The following COL5A1 variants were observed in gnomAD, a reference collection of about 807,000 sequenced individuals.
COL5A1 encodes collagen alpha-1(V) chain.
A neutral mutation model predicts 263.7 loss-of-function variants in COL5A1; 16 were observed. That is an observed-to-expected ratio of 0.06 (90% CI 0.04 to 0.09). The LOEUF (loss-of-function observed/expected upper bound fraction) is 0.09, where lower values mean the gene tolerates loss of function less well. Ranked by LOEUF, COL5A1 falls within the 10% of genes least tolerant of loss-of-function variation. COL5A1 has a pLI of 1.00. For synonymous variants in COL5A1, 1,012 were observed against 1,004.5 expected (o/e 1.01, Z -0.14); for missense variants, 2,036 against 2,540.5 (o/e 0.80, Z 4.27).
chr9:134,676,372 A>T lies in COL5A1; in HGVS notation c.110-14540A>T, dbSNP rs74945697. 6.7e-3 allele frequency among the ~76,000 whole-genome samples: 1,021 copies of T among 152,290 alleles called. 11 individuals carry two copies. Among genetic ancestry groups the T allele is most frequent in the African/African-American group, 0.019 (802 of 41,552 alleles). ...CTCTCCATCTCAGGCCGTCTGCATG[A>T]ACCCCTTCCTGTCTGGCCTCTGCAG... On this transcript the variant is annotated intron_variant, in intron 1 of 65. Transcript: ENST00000371817.
chr9:134,701,841 G>A (rs549713918), intron 4 of COL5A1, among the ~76,000 whole-genome samples: 16 of 152,356 alleles, frequency 1.1e-4, no homozygotes, highest in South Asian at 8.3e-4. Flanking sequence ...TTGCTTTCCC[G>A]GGGAATGCCT....
At chr9:134,787,545 C>G (rs2132779580) in intron 31 of COL5A1, among the ~76,000 whole-genome samples, 1 of 152,344 alleles carries the variant, frequency 6.6e-6, no homozygotes, top group African/African-American at 2.4e-5. Flanking sequence ...AGCGACCTCA[C>G]TGCGGTGCTG....
At chr9:134,760,762 TAC>T (rs1378370524) in intron 18 of COL5A1, among the ~76,000 whole-genome samples, 1 of 92,508 alleles carries the variant, frequency 1.1e-5, no homozygotes, top group Non-Finnish European at 2.0e-5. Context: ...ACCCCACACA[TAC>T]ACGAACACCA....
chr9:134,690,995 C>G lies in COL5A1; in HGVS notation c.193C>G (p.Arg65Gly). ...ITKTTGFCAT[R>G]RSSKGPDVAY... ...AAAGACAACAGGCTTTTGCGCCACG[C>G]GGCGATCTTCCAAAGGCCCGGATGT... is the stretch of plus-strand genomic sequence containing the variant. Residue 65 changes from arginine (R) to glycine (G), a missense_variant, in exon 2 of 66, where the codon CGG (arginine) becomes GGG (glycine). By Grantham distance (125) the Arg-to-Gly change is moderately radical. This residue lies in a region of COL5A1 where 600 missense variants were observed against 634.5 expected (regional missense o/e 0.95). Transcript: ENST00000371817. 1.2e-6 allele frequency: 2 copies of G among 1,613,832 alleles called. No homozygotes were observed. The highest frequency in any genetic ancestry group is 1.7e-6 in the Non-Finnish European group (2 of 1,180,044).
At chr9:134,752,170 A>G (rs1354425374) in intron 13 of COL5A1, among the ~76,000 whole-genome samples, 1 of 152,332 alleles carries the variant, frequency 6.6e-6, no homozygotes, top group South Asian at 2.1e-4. Flanking sequence ...AGCGCCTCCC[A>G]TGTGAAATAA....
At chr9:134,838,930 G>A (rs1435462754) in intron 65 of COL5A1, among the ~76,000 whole-genome samples, 7 of 152,288 alleles carry the variant, frequency 4.6e-5, no homozygotes, top group Admixed American at 2.0e-4. Flanking sequence ...ACGCTGGCCC[G>A]GACTCTCAGG....
Position 134,819,296 on chromosome 9 carries a change from G to A in COL5A1, c.4446+243G>A, listed in dbSNP as rs528849077. 1.2e-4 allele frequency among the ~76,000 whole-genome samples: 19 copies of A among 152,340 alleles called. No homozygotes were observed. The South Asian group carries it at 3.1e-3, about 25-fold the overall frequency. On this transcript the variant is annotated intron_variant, in intron 57 of 65. Coordinates refer to ENST00000371817, the MANE Select transcript of COL5A1 (RefSeq NM_000093.5). ...TCCCGGAGGCCCCTGCGGTATTGAC[G>A]GAGAACCTTCCAGCTAGGCACAGAG... is the stretch of plus-strand genomic sequence containing the variant.
In COL5A1 at chr9:134,700,182, A is replaced by G; in HGVS notation, c.491+60A>G. ...TGGAGGGGGGATCAGGCCAGCTCAT[A>G]CCACTGACCAGATGTGGGGCACAGT... On this transcript the variant is annotated intron_variant, in intron 3 of 65. Coordinates refer to ENST00000371817, the MANE Select transcript of COL5A1 (RefSeq NM_000093.5). This position sits in a 1 kb window ranked among gnomAD's most constrained non-coding sequence, Gnocchi z 4.0. 2 of 1,502,768 alleles carry G rather than the reference A, an allele frequency of 1.3e-6. No individual in the cohort carries two copies. The highest frequency in any genetic ancestry group is 2.3e-5 in the South Asian group (2 of 87,598). The allele number at this position is 1,502,768 out of a possible 1,614,324, so 93.1% of individuals were successfully genotyped here.
At chr9:134,799,070 T>A (rs945997317) in intron 37 of COL5A1, among the ~76,000 whole-genome samples, 1 of 152,158 alleles carries the variant, frequency 6.6e-6, no homozygotes, top group African/African-American at 2.4e-5. Context: ...CAGGTGGAAG[T>A]GGCCTCTAAC....
At chr9:134,731,292 G>T (rs956112936) in intron 7 of COL5A1, among the ~76,000 whole-genome samples, 3 of 152,194 alleles carry the variant, frequency 2.0e-5, no homozygotes, top group African/African-American at 7.2e-5. Context: ...CGAGTTGTCA[G>T]ACCTGGAGCC....
chr9:134,694,297 C>T (rs12346335), intron 2 of COL5A1, among the ~76,000 whole-genome samples: 24,086 of 152,224 alleles, frequency 0.16, 3,191 homozygotes, highest in African/African-American at 0.36. Flanking sequence ...GTGCAGTGCC[C>T]GTCCCCGCCC....
chr9:134,785,074 C>T lies in COL5A1; in HGVS notation c.2570C>T (p.Pro857Leu). ...GRGGPNGDPG[P>L]LGPPGEKGKL... is the part of the protein sequence containing the mutation. ...GGAGGTCCCAATGGTGACCCCGGTC[C>T]TCTGGGACCCCCTGGGGAGAAGGTT... Residue 857 changes from proline to leucine, a missense_variant, in exon 30 of 66, where the codon CCT (proline) becomes CTT (leucine). Physicochemically the swap from Pro to Leu is moderately conservative, Grantham distance 98 (BLOSUM62 -3). Around this residue, in one of 3 missense-constraint regions of COL5A1, gnomAD observed 1,078 missense variants for 1,521.4 expected, o/e 0.71. Transcript: ENST00000371817. 1 of 1,613,266 alleles carries T rather than the reference C, an allele frequency of 6.2e-7. No individual in the cohort carries two copies. The highest frequency in any genetic ancestry group is 8.5e-7 in the Non-Finnish European group (1 of 1,179,832).
intron 46 of COL5A1, among the ~76,000 whole-genome samples, chr9:134,812,067 G>A (rs117804611): frequency 7.1e-4 from 108 of 152,276 alleles, no homozygotes; most frequent in Non-Finnish European, 1.1e-3. Context: ...TTTATGTTAC[G>A]AGTGTGTTGA....
intron 44 of COL5A1, among the ~76,000 whole-genome samples, chr9:134,810,625 A>G (rs1490018618): frequency 6.6e-6 from 1 of 152,262 alleles, no homozygotes; most frequent in East Asian, 1.9e-4. Context: ...TGAGGGAACC[A>G]GAATGCTCCG....
chr9:134,816,224 G>T (rs961732544), intron 52 of COL5A1, among the ~76,000 whole-genome samples: 3 of 152,234 alleles, frequency 2.0e-5, no homozygotes, highest in African/African-American at 7.2e-5. Context: ...TGTCTCAGCA[G>T]CAGGTTTGCA....
chr9:134,732,528 T>A, intron 9 of COL5A1: 1 of 345,694 alleles, frequency 2.9e-6, no homozygotes, highest in Non-Finnish European at 5.5e-6. Context: ...GCGGCAGTGG[T>A]AGGGAATAGT....
chr9:134,792,891 G>A (rs1188147190), intron 32 of COL5A1, among the ~76,000 whole-genome samples: 1 of 36,048 alleles, frequency 2.8e-5, no homozygotes, highest in African/African-American at 1.0e-4. Context: ...ACGTGTGTGT[G>A]CGCGCGTGTG....
chr9:134,781,034 G>T (rs79631623), intron 28 of COL5A1, among the ~76,000 whole-genome samples: 1 of 152,242 alleles, frequency 6.6e-6, no homozygotes, highest in African/African-American at 2.4e-5. Context: ...TGGAGTGCGG[G>T]TGCTGGCGTG....
At chr9:134,646,841 C>T (rs1341265947) in intron 1 of COL5A1, among the ~76,000 whole-genome samples, 5 of 152,098 alleles carry the variant, frequency 3.3e-5, no homozygotes, top group Admixed American at 1.3e-4. Flanking sequence ...CCAGCAAGGT[C>T]GGTGTGAGGC....
Sources: gnomAD v4.1 joint callset for allele counts (sites outside exome capture counted in the v4.1 genomes callset) on GRCh38, gnomAD v4.1.1 for gene constraint, gnomAD v4.1.1 regional missense constraint, Gnocchi (gnomAD v3.1) non-coding constraint, MANE v1.5 for transcripts, NCBI Gene and HGNC (gene_info 2026-07-23, HGNC 2026-07-21) for gene names.